Variants in ERC2 observed in about 807,000 individuals in gnomAD.
ERC2 encodes ELKS/RAB6-interacting/CAST family member 2.
In ERC2, 42 loss-of-function variants were observed where a neutral mutation model predicts 114.8. The ratio of observed to expected loss-of-function variants is 0.37; its 90% CI spans 0.29 to 0.47. The LOEUF is 0.47. Ranked by LOEUF, ERC2 falls within the 20% of genes least tolerant of loss-of-function variation. ERC2 has a pLI of 0.99. For synonymous variants in ERC2, 454 were observed against 425.5 expected (o/e 1.07, Z -0.82); for missense variants, 939 against 1,150.7 (o/e 0.82, Z 2.66).
At chr3:56,244,101 T>A (rs1451582709) in intron 3 of ERC2, among the ~76,000 whole-genome samples, 2 of 152,114 alleles carry the variant, frequency 1.3e-5, no homozygotes, top group Non-Finnish European at 2.9e-5. Flanking sequence ...GATGTTTTGG[T>A]CAACAAGGAA....
intron 3 of ERC2, among the ~76,000 whole-genome samples, chr3:56,288,755 A>T (rs1254235221): frequency 6.6e-6 from 1 of 152,242 alleles, no homozygotes; most frequent in East Asian, 1.9e-4. Context: ...GAGTACTCGG[A>T]GAAAATGGAA....
intron 4 of ERC2, among the ~76,000 whole-genome samples, chr3:56,162,243 G>A (rs1240492110): frequency 6.6e-6 from 1 of 152,124 alleles, no homozygotes; most frequent in Non-Finnish European, 1.5e-5. Flanking sequence ...CTACTTGATT[G>A]TGGTGAGTTA....
chr3:56,453,198 G>GT (rs748477305), intron 1 of ERC2, among the ~76,000 whole-genome samples: 2 of 152,166 alleles, frequency 1.3e-5, no homozygotes, highest in Non-Finnish European at 2.9e-5. Context: ...TGGCTTGGCC[G>GT]TATGACTTGT....
At chr3:55,858,764 A>T (rs1235642010) in intron 14 of ERC2, among the ~76,000 whole-genome samples, 1 of 152,212 alleles carries the variant, frequency 6.6e-6, no homozygotes, top group Non-Finnish European at 1.5e-5. Flanking sequence ...CATAGCTGAC[A>T]GAGTAGGCAG....
intron 3 of ERC2, among the ~76,000 whole-genome samples, chr3:56,204,165 G>A (rs937705464): frequency 6.6e-6 from 1 of 152,112 alleles, no homozygotes; most frequent in Admixed American, 6.6e-5. Flanking sequence ...CTCCAGCCTG[G>A]GAGACAGAAA....
intron 17 of ERC2, among the ~76,000 whole-genome samples, chr3:55,564,170 A>C (rs2056215638): frequency 1.3e-5 from 2 of 152,136 alleles, no homozygotes; most frequent in Admixed American, 6.5e-5. Context: ...AATGGGGTGG[A>C]TGTCTGCCTG....
At chr3:55,645,204 G>A (rs893565928) in intron 17 of ERC2, among the ~76,000 whole-genome samples, 2 of 152,144 alleles carry the variant, frequency 1.3e-5, no homozygotes, top group African/African-American at 4.8e-5. Context: ...TCAACAACTT[G>A]CCAGTTTTAT....
At chr3:55,633,770 C>A (rs1295691901) in intron 17 of ERC2, among the ~76,000 whole-genome samples, 1 of 152,116 alleles carries the variant, frequency 6.6e-6, no homozygotes, top group Non-Finnish European at 1.5e-5. Context: ...TATATTTCTC[C>A]TTTCATATTT....
chr3:56,424,232 C>T (rs1186838457), intron 2 of ERC2, among the ~76,000 whole-genome samples: 1 of 152,016 alleles, frequency 6.6e-6, no homozygotes, highest in Non-Finnish European at 1.5e-5. Flanking sequence ...GTACCCTTGG[C>T]GCAAGTGAGA....
At chr3:55,763,292 G>T (rs761905751) in intron 14 of ERC2, among the ~76,000 whole-genome samples, 1 of 152,218 alleles carries the variant, frequency 6.6e-6, no homozygotes, top group African/African-American at 2.4e-5. Context: ...AAATAGTATT[G>T]ATTTTAGAGA....
chr3:56,011,659 C>T (rs188976253), intron 8 of ERC2, among the ~76,000 whole-genome samples: 71 of 151,834 alleles, frequency 4.7e-4, no homozygotes, highest in Non-Finnish European at 7.5e-4. Context: ...ATTCCATCTG[C>T]GTAAAGCTTG....
intron 2 of ERC2, among the ~76,000 whole-genome samples, chr3:56,375,829 C>A (rs757489157): frequency 6.6e-6 from 1 of 152,168 alleles, no homozygotes; most frequent in Non-Finnish European, 1.5e-5. Flanking sequence ...ATGATTTCTG[C>A]CAGCTTACAT....
intron 12 of ERC2, among the ~76,000 whole-genome samples, chr3:55,964,381 A>G (rs2068601301): frequency 6.6e-6 from 1 of 152,182 alleles, no homozygotes; most frequent in Admixed American, 6.5e-5. Context: ...ACTATCGTAC[A>G]TTACTGAGGC....
At chr3:55,971,864 G>T (rs955557580) in intron 12 of ERC2, among the ~76,000 whole-genome samples, 30 of 152,304 alleles carry the variant, frequency 2.0e-4, no homozygotes, top group Admixed American at 6.5e-5. Flanking sequence ...AAGATTGGGA[G>T]TCAAAGAGGA....
intron 2 of ERC2, among the ~76,000 whole-genome samples, chr3:56,297,535 A>G (rs1431845790): frequency 2.0e-5 from 3 of 152,242 alleles, no homozygotes. Flanking sequence ...GAATTTGGCA[A>G]CACCTTTCCC....
At position 55,905,497 on chromosome 3, in the gene ERC2, G is replaced by A. The variant is rs116382479; in HGVS notation, c.2404-16948C>T. Among the ~76,000 whole-genome samples, 418 of 127,832 alleles carry A rather than the reference G, an allele frequency of 3.3e-3. 3 individuals carry two copies. Among genetic ancestry groups the A allele is most frequent in the African/African-American group, 0.012 (399 of 34,644 alleles). 83.9% of individuals were successfully genotyped at this position (127,832 alleles called of 152,430 possible). The stretch of plus-strand genomic sequence containing the variant: ...CCTCCCTCCATAGGCCCTAGCACAC[G>A]CTCTTCCACTTAACAGTAACTCCGA... On this transcript the variant is annotated intron_variant, in intron 13 of 17. Coordinates refer to ENST00000288221, the MANE Select transcript of ERC2 (RefSeq NM_015576.3).
chr3:55,695,037 AG>A (rs1234454442), intron 16 of ERC2, among the ~76,000 whole-genome samples: 1 of 152,228 alleles, frequency 6.6e-6, no homozygotes, highest in Non-Finnish European at 1.5e-5. Flanking sequence ...AAAGGAAAGT[AG>A]AAAGACTTGG....
intron 1 of ERC2, among the ~76,000 whole-genome samples, chr3:56,467,976 C>T (rs1477298688): frequency 6.6e-6 from 1 of 152,022 alleles, no homozygotes; most frequent in East Asian, 2.0e-4. Context: ...GCAGCCGGGG[C>T]TAGCGAGCGG....
At chr3:56,044,607 CTCTA>C (rs1229793525) in intron 7 of ERC2, among the ~76,000 whole-genome samples, 4 of 152,092 alleles carry the variant, frequency 2.6e-5, no homozygotes, top group African/African-American at 4.8e-5. Flanking sequence ...ACTTAAAGTA[CTCTA>C]TCTATGCTCT....
Sources: gnomAD v4.1 joint callset for allele counts (sites outside exome capture counted in the v4.1 genomes callset) on GRCh38, gnomAD v4.1.1 for gene constraint, MANE v1.5 for transcripts, NCBI Gene and HGNC (gene_info 2026-07-23, HGNC 2026-07-21) for gene names.